DDR2: variants seen among roughly 807,000 people sequenced by gnomAD.
The protein encoded by DDR2 is discoidin domain receptor tyrosine kinase 2.
In DDR2, 27 loss-of-function variants were observed where a neutral mutation model predicts 94.9. The ratio of observed to expected loss-of-function variants is 0.28; its 90% confidence interval spans 0.21 to 0.39. DDR2 has a LOEUF of 0.39. Ranked by LOEUF, DDR2 falls within the 10% of genes least tolerant of loss-of-function variation. The pLI is 1.00. For missense variants in DDR2, 783 were observed against 1,076.0 expected (o/e 0.73, Z 3.81); for synonymous variants, 382 against 377.2 (o/e 1.01, Z -0.15).
At chr1:162,646,254 A>G (rs1287201589) in intron 1 of DDR2, among the ~76,000 whole-genome samples, 1 of 152,222 alleles carries the variant, frequency 6.6e-6, no homozygotes, top group Admixed American at 6.5e-5. Context: ...GGACTGCAAG[A>G]TATTTATCCT....
chr1:162,749,278 A>G (rs1383548852), intron 3 of DDR2, among the ~76,000 whole-genome samples: 2 of 152,236 alleles, frequency 1.3e-5, no homozygotes, highest in African/African-American at 4.8e-5. Flanking sequence ...CAAAGAAGAA[A>G]GGAGAGAAGA....
intron 3 of DDR2, among the ~76,000 whole-genome samples, chr1:162,747,910 A>G (rs924897796): frequency 9.9e-5 from 15 of 152,224 alleles, no homozygotes; most frequent in Middle Eastern, 3.2e-3. Flanking sequence ...AAGCTTCATA[A>G]GTGAAGGAGA....
chr1:162,673,606 TGTGAGAGAGAGAGA>T (rs1212009070), intron 2 of DDR2, among the ~76,000 whole-genome samples: 1,519 of 101,062 alleles, frequency 0.015, 30 homozygotes, highest in African/African-American at 0.071. Flanking sequence ...TGTGTGTGTG[TGTGAGAGAGAGAGA>T]GAGAGAGAGA....
intron 17 of DDR2, 84 bp from the exon 18 acceptor site, chr1:162,780,028 A>G (rs1424457285): frequency 6.3e-7 from 1 of 1,594,732 alleles, no homozygotes; most frequent in South Asian, 1.1e-5. Flanking sequence ...TCAAACCATG[A>G]TGCAAAGATA....
intron 2 of DDR2, among the ~76,000 whole-genome samples, chr1:162,704,100 G>A (rs1384741150): frequency 6.6e-6 from 1 of 152,186 alleles, no homozygotes; most frequent in Non-Finnish European, 1.5e-5. Context: ...CTACAGCTTA[G>A]GAAAGAGTTG....
At chr1:162,751,539 G>A (rs930133777) in intron 3 of DDR2, among the ~76,000 whole-genome samples, 3 of 152,134 alleles carry the variant, frequency 2.0e-5, no homozygotes, top group Admixed American at 2.0e-4. Flanking sequence ...ATGCTTTTAC[G>A]CTGTTGGTGG....
Position 162,780,143 on chromosome 1 carries a change from A to G in DDR2, c.2465A>G (p.Asp822Gly), listed in dbSNP as rs1050839202. The part of the protein sequence containing the change: ...TYLPQPAICP[D>G]SVYKLMLSCW... Reference sequence around the variant, plus strand: ...CTCCCTCAACCAGCCATTTGTCCTGACTCTGTGTATAAGCTGATGCTCAGC... The same window carrying G: ...CTCCCTCAACCAGCCATTTGTCCTGGCTCTGTGTATAAGCTGATGCTCAGC... Residue 822 changes from aspartate (D) to glycine (G), a missense_variant, in exon 18 of 18, where the codon GAC (aspartate) becomes GGC (glycine). Around this residue, in one of 2 missense-constraint regions of DDR2, gnomAD observed 264 missense variants for 428.2 expected, o/e 0.62. Transcript: ENST00000367921. The G allele has an allele frequency of 4.3e-6, 7 of 1,613,398 alleles. No homozygotes were observed. The African/African-American group carries it at 8.0e-5, about 19-fold the overall frequency.
chr1:162,660,310 T>C (rs1658226588), intron 2 of DDR2, among the ~76,000 whole-genome samples: 1 of 152,180 alleles, frequency 6.6e-6, no homozygotes, highest in Admixed American at 6.5e-5. Context: ...TTATCAGGCA[T>C]TATTTTGTTT....
chr1:162,735,713 G>A (rs79171650), intron 3 of DDR2, among the ~76,000 whole-genome samples: 3,032 of 152,270 alleles, frequency 0.02, 83 homozygotes, highest in African/African-American at 0.059. Context: ...TCCTGAATGG[G>A]TTCAGTTAGG....
intron 2 of DDR2, among the ~76,000 whole-genome samples, chr1:162,695,576 G>A (rs937210568): frequency 6.6e-6 from 1 of 152,172 alleles, no homozygotes; most frequent in Non-Finnish European, 1.5e-5. Context: ...ATCAGTGTGA[G>A]GAGTGATGCT....
chr1:162,677,572 G>T (rs141050573), intron 2 of DDR2, among the ~76,000 whole-genome samples: 4 of 152,252 alleles, frequency 2.6e-5, no homozygotes, highest in East Asian at 3.9e-4. Context: ...ATGAATAGGT[G>T]GGGGGATGCA....
In DDR2 at chr1:162,776,124, C is replaced by T. The variant is rs1647535720; in HGVS notation, c.2049-12C>T. 2.5e-6 allele frequency: 4 copies of T among 1,605,254 alleles called. No homozygotes were observed. The highest frequency in any genetic ancestry group is 3.4e-6 in the Non-Finnish European group (4 of 1,172,512). ...CATAGGCTACCTTCTGTCTTCTTGT[C>T]TATTTCCTCAGTTACACCAATCTGA... On this transcript the variant is annotated splice_polypyrimidine_tract_variant and intron_variant, in intron 15 of 17. Coordinates refer to ENST00000367921, the MANE Select transcript of DDR2 (RefSeq NM_006182.4).
intron 3 of DDR2, among the ~76,000 whole-genome samples, chr1:162,739,110 G>A (rs1156422524): frequency 1.6e-5 from 2 of 127,482 alleles, no homozygotes; most frequent in Non-Finnish European, 3.3e-5. Flanking sequence ...TGACAAATGG[G>A]ATCTAATTAA....
At chr1:162,692,397 G>A (rs1304520813) in intron 2 of DDR2, among the ~76,000 whole-genome samples, 1 of 152,170 alleles carries the variant, frequency 6.6e-6, no homozygotes, top group Non-Finnish European at 1.5e-5. Context: ...GGAGTCAGAG[G>A]AACTGTTTGG....
At chr1:162,646,638 ACCTGTTTAACT>A (rs1481958090) in intron 1 of DDR2, among the ~76,000 whole-genome samples, 1 of 152,200 alleles carries the variant, frequency 6.6e-6, no homozygotes, top group Non-Finnish European at 1.5e-5. Flanking sequence ...CATTGTGAAA[ACCTGTTTAACT>A]GCAACTAGGA....
intron 2 of DDR2, among the ~76,000 whole-genome samples, chr1:162,656,862 A>C (rs1468620481): frequency 2.8e-4 from 3 of 10,586 alleles, no homozygotes; most frequent in Non-Finnish European, 4.1e-4. Flanking sequence ...TTTTTTTGTT[A>C]ACAGGGTTTT....
intron 2 of DDR2, among the ~76,000 whole-genome samples, chr1:162,697,221 CGA>C (rs1660234479): frequency 6.6e-6 from 1 of 150,428 alleles, no homozygotes. Flanking sequence ...CTTTCTTAGA[CGA>C]GATGGAGTTA....
chr1:162,674,391 C>A (rs369214471), intron 2 of DDR2, among the ~76,000 whole-genome samples: 2 of 152,114 alleles, frequency 1.3e-5, no homozygotes, highest in Non-Finnish European at 2.9e-5. Flanking sequence ...TCTTAATTCA[C>A]GGATGGATTA....
chr1:162,700,818 A>G (rs1178250790), intron 2 of DDR2, among the ~76,000 whole-genome samples: 1 of 152,208 alleles, frequency 6.6e-6, no homozygotes, highest in East Asian at 1.9e-4. Flanking sequence ...CTCTACGAGA[A>G]TGGCATAGTT....
Sources: gnomAD v4.1 joint callset for allele counts (sites outside exome capture counted in the v4.1 genomes callset) on GRCh38, gnomAD v4.1.1 for gene constraint, gnomAD v4.1.1 regional missense constraint, MANE v1.5 for transcripts, NCBI Gene and HGNC (gene_info 2026-07-23, HGNC 2026-07-21) for gene names.